Variants in NRG3 observed in about 807,000 individuals in gnomAD.
NRG3 encodes pro-neuregulin-3, membrane-bound isoform.
In NRG3, 31 loss-of-function variants were observed where a neutral mutation model predicts 66.9. The ratio of observed to expected loss-of-function variants is 0.46; its 90% CI spans 0.35 to 0.63. The LOEUF is 0.63. Among genes scored for constraint, NRG3 ranks in the 20% least tolerant of loss-of-function variants. The probability of loss-of-function intolerance (pLI) is 0.00; values close to 1 mark genes in which losing one functional copy is unlikely to be tolerated. For synonymous variants in NRG3, 393 were observed against 359.4 expected (o/e 1.09, Z -1.06); for missense variants, 910 against 878.9 (o/e 1.04, Z -0.45).
intron 4 of NRG3, among the ~76,000 whole-genome samples, chr10:82,927,642 C>G (rs899891015): frequency 2.0e-5 from 3 of 152,130 alleles, no homozygotes; most frequent in Non-Finnish European, 4.4e-5. Context: ...TGGTTTCCAG[C>G]TTCATCCATG....
intron 1 of NRG3, among the ~76,000 whole-genome samples, chr10:82,195,220 G>C (rs2074380602): frequency 6.6e-6 from 1 of 152,156 alleles, no homozygotes; most frequent in African/African-American, 2.4e-5. Context: ...TAGATTGAAG[G>C]CTGCCAAAAG....
chr10:82,128,904 C>T (rs996808513), intron 1 of NRG3, among the ~76,000 whole-genome samples: 9 of 152,008 alleles, frequency 5.9e-5, no homozygotes, highest in African/African-American at 1.9e-4. Context: ...TCTTAATTTG[C>T]TTGAGATTTC....
chr10:81,988,300 A>G (rs1272790399), intron 1 of NRG3, among the ~76,000 whole-genome samples: 1 of 152,160 alleles, frequency 6.6e-6, no homozygotes, highest in Non-Finnish European at 1.5e-5. Context: ...TAAGGCTCTG[A>G]AAGCTATGTT....
chr10:82,782,669 G>A (rs577459948), intron 3 of NRG3, among the ~76,000 whole-genome samples: 6 of 152,110 alleles, frequency 3.9e-5, no homozygotes, highest in Admixed American at 1.3e-4. Context: ...TGAATGGAGT[G>A]TTAAGGGCAA....
chr10:82,979,111 C>T lies in NRG3; in HGVS notation c.1574C>T (p.Pro525Leu). 1 of 1,613,964 alleles carries T rather than the reference C, an allele frequency of 6.2e-7. No homozygotes were observed. The highest frequency in any genetic ancestry group is 1.1e-5 in the South Asian group (1 of 91,064). ...AGGATCCCAGACCAGGATACGATAC[C>T]TTGCCAAGGGTAGGTCTTAAAACAG... Reference protein sequence around the residue: ...ESRIPDQDTIPCQGYSSSGLK... With the variant: ...ESRIPDQDTILCQGYSSSGLK... The change falls in exon 8 of 9, where the codon CCT becomes CTT. Residue 525 changes from proline to leucine, a missense_variant. Pro to Leu is a moderately conservative substitution (Grantham distance 98, BLOSUM62 -3). Transcript: ENST00000372141.
intron 1 of NRG3, among the ~76,000 whole-genome samples, chr10:82,215,401 T>C (rs1425012861): frequency 6.6e-6 from 1 of 152,240 alleles, no homozygotes; most frequent in Non-Finnish European, 1.5e-5. Flanking sequence ...GTTTATATGC[T>C]AGAGGTCTCT....
chr10:82,488,470 G>A (rs1842853978), intron 2 of NRG3, among the ~76,000 whole-genome samples: 1 of 152,180 alleles, frequency 6.6e-6, no homozygotes, highest in Admixed American at 6.5e-5. Flanking sequence ...GAAAGCCCTT[G>A]TTTTGTTTTT....
intron 1 of NRG3, among the ~76,000 whole-genome samples, chr10:82,204,648 T>G (rs1438480764): frequency 1.3e-5 from 2 of 152,198 alleles, no homozygotes; most frequent in Non-Finnish European, 2.9e-5. Flanking sequence ...CTCTCCACCA[T>G]TACTAGCCCT....
At chr10:82,907,072 A>G (rs1296530712) in intron 4 of NRG3, among the ~76,000 whole-genome samples, 1 of 152,188 alleles carries the variant, frequency 6.6e-6, no homozygotes, top group Non-Finnish European at 1.5e-5. Context: ...TATTATTCTC[A>G]GTTGCCCAGA....
intron 1 of NRG3, among the ~76,000 whole-genome samples, chr10:82,295,580 C>T (rs766800068): frequency 5.3e-5 from 8 of 151,922 alleles, no homozygotes; most frequent in East Asian, 3.9e-4. Context: ...GCCTAGTTCC[C>T]GAAATGGACA....
At chr10:82,760,563 T>G (rs933443936) in intron 3 of NRG3, among the ~76,000 whole-genome samples, 1 of 152,158 alleles carries the variant, frequency 6.6e-6, no homozygotes, top group East Asian at 1.9e-4. Context: ...AACTTCATAC[T>G]GAAGCTTTAA....
chr10:82,368,272 T>C (rs1430116513), intron 2 of NRG3, among the ~76,000 whole-genome samples: 1 of 138,182 alleles, frequency 7.2e-6, no homozygotes, highest in Non-Finnish European at 1.5e-5. Context: ...TGATAGGTAC[T>C]CAGAGTCTCC....
At chr10:82,959,177 C>A in intron 6 of NRG3, 102 bp downstream of exon 6, 4 of 1,321,138 alleles carry the variant, frequency 3.0e-6, no homozygotes, top group Non-Finnish European at 4.0e-6. Flanking sequence ...TTTTTCAGAG[C>A]TTTATAGGGT....
At chr10:82,269,022 CT>C (rs2078452106) in intron 1 of NRG3, among the ~76,000 whole-genome samples, 1 of 152,098 alleles carries the variant, frequency 6.6e-6, no homozygotes, top group African/African-American at 2.4e-5. Context: ...ACCGTGACTC[CT>C]TTGCAATGCA....
At chr10:81,895,007 G>A (rs1843387384) in intron 1 of NRG3, among the ~76,000 whole-genome samples, 2 of 152,156 alleles carry the variant, frequency 1.3e-5, no homozygotes, top group Non-Finnish European at 2.9e-5. Context: ...ACCTGAGTAA[G>A]AGCGGGCCAC....
chr10:82,024,948 G>C (rs368322077), intron 1 of NRG3, among the ~76,000 whole-genome samples: 16 of 152,148 alleles, frequency 1.1e-4, no homozygotes, highest in African/African-American at 3.9e-4. Context: ...TCCTTGATCA[G>C]CCTGAGGCTG....
At chr10:82,321,146 C>T (rs1320016605) in intron 1 of NRG3, among the ~76,000 whole-genome samples, 1 of 152,172 alleles carries the variant, frequency 6.6e-6, no homozygotes, top group Non-Finnish European at 1.5e-5. Context: ...TCAGTGGTTG[C>T]AGGCACCCAC....
intron 1 of NRG3, among the ~76,000 whole-genome samples, chr10:81,981,394 A>G (rs746275972): frequency 3.3e-5 from 5 of 152,252 alleles, no homozygotes; most frequent in Non-Finnish European, 5.9e-5. Context: ...ACTAAATTCT[A>G]TTAGATATTA....
chr10:82,896,715 C>G (rs1458972552), intron 4 of NRG3, among the ~76,000 whole-genome samples: 5 of 152,140 alleles, frequency 3.3e-5, no homozygotes, highest in Admixed American at 2.0e-4. Context: ...CATGTTTATT[C>G]AACAAATTAT....
Sources: gnomAD v4.1 joint callset for allele counts (sites outside exome capture counted in the v4.1 genomes callset) on GRCh38, gnomAD v4.1.1 for gene constraint, MANE v1.5 for transcripts, NCBI Gene and HGNC (gene_info 2026-07-23, HGNC 2026-07-21) for gene names.